The following IL1RAPL2 variants were observed in gnomAD, a reference collection of about 807,000 sequenced individuals.
The protein encoded by IL1RAPL2 is X-linked interleukin-1 receptor accessory protein-like 2.
Under a neutral mutation model 44.1 loss-of-function variants are expected in IL1RAPL2, and 3 were observed. The observed-to-expected ratio is 0.07, with a 90% CI of 0.03 to 0.18. IL1RAPL2 has a LOEUF of 0.18. Among genes scored for constraint, IL1RAPL2 ranks in the 10% least tolerant of loss-of-function variants. The pLI is 1.00. For missense variants in IL1RAPL2, 391 were observed against 496.4 expected, an observed-to-expected ratio of 0.79 and a Z score of 2.02; for synonymous variants, 181 against 178.8, an observed-to-expected ratio of 1.01 and a Z score of -0.10.
intron 5 of IL1RAPL2, among the ~76,000 whole-genome samples, chrX:105,387,242 T>C (rs1344448365): frequency 1.9e-5 from 2 of 107,099 alleles, no homozygotes; most frequent in Non-Finnish European, 3.9e-5. Flanking sequence ...ATTTTCTTTT[T>C]TTTTTTTTTT....
chrX:105,059,973 T>C (rs1282318258), intron 2 of IL1RAPL2, among the ~76,000 whole-genome samples: 4 of 112,273 alleles, frequency 3.6e-5, no homozygotes, highest in Non-Finnish European at 5.6e-5. Context: ...TACCTAACAA[T>C]GGGATTGCTG....
intron 2 of IL1RAPL2, among the ~76,000 whole-genome samples, chrX:104,872,280 C>T (rs765008489): frequency 3.2e-4 from 36 of 111,640 alleles, no homozygotes; most frequent in Non-Finnish European, 6.6e-4. Flanking sequence ...TCTAATGCCT[C>T]GTATGTTGGG....
At chrX:105,611,579 C>T (rs2037336672) in intron 6 of IL1RAPL2, among the ~76,000 whole-genome samples, 1 of 111,781 alleles carries the variant, frequency 8.9e-6, no homozygotes, top group Non-Finnish European at 1.9e-5. Flanking sequence ...CAGTAATATG[C>T]TGTATAGGTT....
intron 5 of IL1RAPL2, among the ~76,000 whole-genome samples, chrX:105,299,802 A>G (rs1269027587): frequency 8.9e-6 from 1 of 112,000 alleles, no homozygotes; most frequent in African/African-American, 3.2e-5. Context: ...GCTTAACTCT[A>G]ACTATATTTC....
rs745996259 is a variant in IL1RAPL2, at chrX:105,454,802, G to A, written c.698-29511G>A. 6.3e-5 allele frequency among the ~76,000 whole-genome samples: 7 copies of A among 111,407 alleles called. No individual in the cohort carries two copies. In the East Asian group the frequency reaches 2.0e-3, roughly 32 times the overall value. On this transcript the variant is annotated intron_variant, in intron 5 of 10. Coordinates refer to ENST00000372582, the MANE Select transcript of IL1RAPL2 (RefSeq NM_017416.2). ...GTCTGTCTCTGTAACTAGTAGAGCT[G>A]CCACAACTGGTGCCCTACCCCCAAG...
At chrX:105,377,303 A>T (rs1241957983) in intron 5 of IL1RAPL2, among the ~76,000 whole-genome samples, 5 of 109,979 alleles carry the variant, frequency 4.5e-5, no homozygotes, top group African/African-American at 1.7e-4. Context: ...GTATTCCATA[A>T]TTTATTTTTG....
intron 1 of IL1RAPL2, among the ~76,000 whole-genome samples, chrX:104,655,112 T>C: frequency 8.9e-6 from 1 of 111,776 alleles, no homozygotes; most frequent in Non-Finnish European, 1.9e-5. Flanking sequence ...AATCATGTCA[T>C]CTGCAAACAG....
intron 6 of IL1RAPL2, among the ~76,000 whole-genome samples, chrX:105,555,978 G>T (rs1037843422): frequency 1.8e-5 from 2 of 111,788 alleles, no homozygotes; most frequent in African/African-American, 6.5e-5. Flanking sequence ...AGTTGTCAGT[G>T]ATCAGTAAAA....
At chrX:104,820,159 A>G (rs1291788126) in intron 2 of IL1RAPL2, among the ~76,000 whole-genome samples, 2 of 111,737 alleles carry the variant, frequency 1.8e-5, no homozygotes, top group African/African-American at 6.5e-5. Context: ...ACAGATACCT[A>G]TTAGACTCTT....
chrX:105,409,973 A>G (rs931503901), intron 5 of IL1RAPL2, among the ~76,000 whole-genome samples: 1 of 110,372 alleles, frequency 9.1e-6, no homozygotes, highest in Non-Finnish European at 1.9e-5. Flanking sequence ...AGTGAGATGA[A>G]TATGAACAGT....
intron 2 of IL1RAPL2, among the ~76,000 whole-genome samples, chrX:104,727,002 A>G (rs5916822): frequency 0.37 from 39,879 of 109,231 alleles, 5,763 homozygotes; most frequent in East Asian, 0.46. Context: ...AAAAAATCCT[A>G]GAATAAAACC....
intron 6 of IL1RAPL2, among the ~76,000 whole-genome samples, chrX:105,511,830 A>C (rs1375570052): frequency 8.9e-6 from 1 of 111,831 alleles, no homozygotes; most frequent in Non-Finnish European, 1.9e-5. Context: ...GTTAATATCT[A>C]ATGCTCAACT....
At chrX:104,795,372 A>C (rs900045832) in intron 2 of IL1RAPL2, among the ~76,000 whole-genome samples, 6 of 110,612 alleles carry the variant, frequency 5.4e-5, no homozygotes, top group Non-Finnish European at 1.1e-4. Context: ...TGTTTTCATG[A>C]AGGAAAAATA....
chrX:105,327,477 T>C (rs766348251), intron 5 of IL1RAPL2, among the ~76,000 whole-genome samples: 26 of 112,137 alleles, frequency 2.3e-4, no homozygotes, highest in Admixed American at 4.7e-4. Flanking sequence ...ACTGTGTTCA[T>C]GTGCTTGGCT....
At chrX:105,339,856 G>A (rs757191182) in intron 5 of IL1RAPL2, among the ~76,000 whole-genome samples, 41 of 111,359 alleles carry the variant, frequency 3.7e-4, no homozygotes, top group African/African-American at 1.2e-3. Flanking sequence ...CTGGAGCCAC[G>A]GAAGCAGTCC....
At chrX:104,863,706 A>C (rs1602766146) in intron 2 of IL1RAPL2, among the ~76,000 whole-genome samples, 1 of 112,186 alleles carries the variant, frequency 8.9e-6, no homozygotes, top group East Asian at 2.8e-4. Context: ...GACTTTTGCC[A>C]CCTGGCCCAG....
rs2037044381 is a variant in IL1RAPL2, at chrX:105,575,589, T to A, written c.772+91202T>A. Among the ~76,000 whole-genome samples, 3 of 112,384 alleles carry A rather than the reference T, an allele frequency of 2.7e-5. No homozygotes were observed. The Admixed American group carries it at 2.8e-4, about 11-fold the overall frequency. On this transcript the variant is annotated intron_variant, in intron 6 of 10. Transcript: ENST00000372582. ...AGTCAGTCATTGATGGGCATTTAGG[T>A]TAATTCCATGTCTTTGCTATTGTGA... is the stretch of plus-strand genomic sequence containing the variant.
intron 3 of IL1RAPL2, among the ~76,000 whole-genome samples, chrX:105,228,523 G>A (rs2034038778): frequency 8.9e-6 from 1 of 111,937 alleles, no homozygotes; most frequent in Non-Finnish European, 1.9e-5. Context: ...ACCCAAGATT[G>A]ATCAATATTT....
chrX:104,856,734 G>C (rs1922376313), intron 2 of IL1RAPL2, among the ~76,000 whole-genome samples: 1 of 111,696 alleles, frequency 9.0e-6, no homozygotes, highest in Non-Finnish European at 1.9e-5. Context: ...GCTTTTATTG[G>C]CCTTTGCAAA....
Sources: gnomAD v4.1 joint callset for allele counts (sites outside exome capture counted in the v4.1 genomes callset) on GRCh38, gnomAD v4.1.1 for gene constraint, MANE v1.5 for transcripts, NCBI Gene and HGNC (gene_info 2026-07-23, HGNC 2026-07-21) for gene names.